The following CTNNA1 variants were observed in gnomAD, a reference collection of about 807,000 sequenced individuals.
CTNNA1 encodes the protein catenin alpha-1.
In CTNNA1, 37 loss-of-function variants were observed where a neutral mutation model predicts 98.4. The ratio of observed to expected loss-of-function variants is 0.38; its 90% confidence interval spans 0.29 to 0.49. The LOEUF (loss-of-function observed/expected upper bound fraction) is 0.49, where lower values mean the gene tolerates loss of function less well. CTNNA1 is among the 20% of genes least tolerant of loss of function. The pLI, the probability that CTNNA1 is intolerant of heterozygous loss-of-function variation, is 0.95. For missense variants in CTNNA1, 761 were observed against 1,147.2 expected (o/e 0.66, Z 4.86); for synonymous variants, 404 against 413.2 (o/e 0.98, Z 0.27).
intron 9 of CTNNA1, among the ~76,000 whole-genome samples, chr5:138,892,329 T>TG (rs1755588073): frequency 2.5e-5 from 1 of 39,772 alleles, no homozygotes; most frequent in African/African-American, 1.2e-4. Context: ...AATAGCTTAG[T>TG]TTTTTTTTTT....
At chr5:138,854,906 T>G (rs1173361682) in intron 7 of CTNNA1, among the ~76,000 whole-genome samples, 1 of 152,228 alleles carries the variant, frequency 6.6e-6, no homozygotes. Context: ...TCACATCTTT[T>G]GAGTACCCAT....
At chr5:138,892,357 T>G (rs1335653614) in intron 9 of CTNNA1, among the ~76,000 whole-genome samples, 14 of 116,368 alleles carry the variant, frequency 1.2e-4, no homozygotes, top group African/African-American at 4.2e-4. Context: ...TTTTTTTTTT[T>G]GAGACAGAGT....
chr5:138,879,093 C>G (rs1366715918), intron 7 of CTNNA1, among the ~76,000 whole-genome samples: 1 of 147,768 alleles, frequency 6.8e-6, no homozygotes, highest in African/African-American at 2.5e-5. Context: ...GCCTGTAATC[C>G]TAGCTACTCA....
intron 5 of CTNNA1, among the ~76,000 whole-genome samples, chr5:138,815,676 G>C (rs1232271491): frequency 6.6e-6 from 1 of 151,980 alleles, no homozygotes; most frequent in Non-Finnish European, 1.5e-5. Flanking sequence ...CACCCGATTT[G>C]ATTTTATTCT....
intron 7 of CTNNA1, among the ~76,000 whole-genome samples, chr5:138,855,766 A>T (rs961755556): frequency 4.6e-5 from 7 of 152,240 alleles, no homozygotes; most frequent in African/African-American, 1.7e-4. Context: ...TGGGTTGGCT[A>T]AGTAAAAATG....
intron 1 of CTNNA1, among the ~76,000 whole-genome samples, chr5:138,764,261 G>A (rs529680759): frequency 6.6e-6 from 1 of 152,064 alleles, no homozygotes; most frequent in East Asian, 2.0e-4. Context: ...AGTTACTCGG[G>A]AGGCTGAGGC....
chr5:138,770,182 C>T lies in CTNNA1; in HGVS notation c.-2-11741C>T, dbSNP rs182848271. On this transcript the variant is annotated intron_variant, in intron 1 of 17. Coordinates refer to ENST00000302763, the MANE Select transcript of CTNNA1 (RefSeq NM_001903.5). The stretch of plus-strand genomic sequence containing the variant: ...GATTTTTGGTTCAAGGAAGTCAGTT[C>T]GGTCCAATTGTTCTAAAACAAAAAT... Among the ~76,000 whole-genome samples, 8 of 152,288 alleles carry T rather than the reference C, an allele frequency of 5.3e-5. No homozygotes were observed. The East Asian group carries it at 1.2e-3, about 22-fold the overall frequency.
At chr5:138,891,754 G>A (rs184896692) in intron 9 of CTNNA1, among the ~76,000 whole-genome samples, 237 of 151,984 alleles carry the variant, frequency 1.6e-3, no homozygotes, top group Middle Eastern at 3.4e-3. Context: ...GCGAGACGCC[G>A]TCTCAAAAAA....
At chr5:138,814,476 C>G (rs556329655) in intron 5 of CTNNA1, among the ~76,000 whole-genome samples, 26 of 152,282 alleles carry the variant, frequency 1.7e-4, no homozygotes, top group African/African-American at 5.8e-4. Flanking sequence ...CTGAGAAGAA[C>G]TTGTTTAATA....
intron 7 of CTNNA1, among the ~76,000 whole-genome samples, chr5:138,837,570 C>T (rs1420320964): frequency 7.3e-6 from 1 of 136,310 alleles, no homozygotes; most frequent in East Asian, 2.4e-4. Flanking sequence ...CTCTTCTCTT[C>T]TCCTCTCTCC....
intron 4 of CTNNA1, among the ~76,000 whole-genome samples, chr5:138,811,668 C>T (rs1479009917): frequency 1.3e-5 from 2 of 152,110 alleles, no homozygotes; most frequent in African/African-American, 4.8e-5. Context: ...GCAATCCCGG[C>T]ACCTCTGGAG....
intron 16 of CTNNA1, chr5:138,931,675 C>G (rs775675998): frequency 1.3e-5 from 13 of 985,472 alleles, no homozygotes; most frequent in Non-Finnish European, 1.6e-5. Context: ...ACTGTGGCCG[C>G]TCCCGATTTC....
At chr5:138,817,102 T>G (rs1371274970) in intron 5 of CTNNA1, among the ~76,000 whole-genome samples, 1 of 152,260 alleles carries the variant, frequency 6.6e-6, no homozygotes, top group African/African-American at 2.4e-5. Context: ...ATGAATAGTT[T>G]GCACATATTT....
chr5:138,755,142 G>A (rs1751486572), intron 1 of CTNNA1: 2 of 147,282 alleles, frequency 1.4e-5, no homozygotes, highest in South Asian at 2.1e-4. Context: ...CACACCCCAG[G>A]TGTAGTACAG....
Position 138,852,290 on chromosome 5 carries a change from G to A in CTNNA1, c.1062+24572G>A, listed in dbSNP as rs1763264074. ...TTGCCTGTGAGGCTGTGGGCTAATAGCCAAATACCTTCCTTCCATATTGAC... is the reference window on the plus strand; with the variant it reads ...TTGCCTGTGAGGCTGTGGGCTAATAACCAAATACCTTCCTTCCATATTGAC... On this transcript the variant is annotated intron_variant, in intron 7 of 17. Transcript: ENST00000302763. 3.3e-5 allele frequency among the ~76,000 whole-genome samples: 5 copies of A among 152,082 alleles called. No individual in the cohort carries two copies. The South Asian group carries it at 1.0e-3, about 32-fold the overall frequency.
At chr5:138,880,523 T>G (rs1472719394) in intron 7 of CTNNA1, among the ~76,000 whole-genome samples, 1 of 152,242 alleles carries the variant, frequency 6.6e-6, no homozygotes, top group Non-Finnish European at 1.5e-5. Flanking sequence ...CTTCTGCTAG[T>G]GGCTTCATTG....
At chr5:138,896,266 T>G (rs288003) in intron 9 of CTNNA1, among the ~76,000 whole-genome samples, 39,212 of 152,018 alleles carry the variant, frequency 0.26, 5,344 homozygotes, top group Middle Eastern at 0.31. Context: ...CTTGCTTTTT[T>G]GCCCACACTG....
At chr5:138,888,096 T>G (rs993783727) in intron 9 of CTNNA1, among the ~76,000 whole-genome samples, 1 of 152,228 alleles carries the variant, frequency 6.6e-6, no homozygotes, top group Non-Finnish European at 1.5e-5. Flanking sequence ...AAAGATGATG[T>G]ATGTCAAATG....
chr5:138,774,661 G>A lies in CTNNA1; in HGVS notation c.-2-7262G>A, dbSNP rs575631137. ...TTTTGAGGCGGAGTCTCGCTCTGTC[G>A]CCCAGGCTGGAGTGCAGTGGCGCGA... On this transcript the variant is annotated intron_variant, in intron 1 of 17. Coordinates refer to ENST00000302763, the MANE Select transcript of CTNNA1 (RefSeq NM_001903.5). 5.3e-5 allele frequency among the ~76,000 whole-genome samples: 8 copies of A among 151,518 alleles called. No homozygotes were observed. The South Asian group carries it at 1.0e-3, about 20-fold the overall frequency.
Sources: gnomAD v4.1 joint callset for allele counts (sites outside exome capture counted in the v4.1 genomes callset) on GRCh38, gnomAD v4.1.1 for gene constraint, MANE v1.5 for transcripts, NCBI Gene and HGNC (gene_info 2026-07-23, HGNC 2026-07-21) for gene names.